ACAP2: variants seen among roughly 807,000 people sequenced by gnomAD.
The protein encoded by ACAP2 is ArfGAP with coiled-coil, ankyrin repeat and PH domains 2.
A neutral mutation model predicts 115.8 loss-of-function variants in ACAP2; 39 were observed. The ratio of observed to expected loss-of-function variants is 0.34; its 90% CI spans 0.26 to 0.44. The LOEUF (loss-of-function observed/expected upper bound fraction) is 0.44. Among genes scored for constraint, ACAP2 ranks in the 20% least tolerant of loss-of-function variants. The probability of loss-of-function intolerance (pLI) is 1.00; values close to 1 mark genes in which losing one functional copy is unlikely to be tolerated. For missense variants in ACAP2, 662 were observed against 927.6 expected (o/e 0.71, Z 3.72); for synonymous variants, 289 against 315.8 (o/e 0.92, Z 0.90).
At chr3:195,358,846 G>A (rs1732160678) in intron 4 of ACAP2, among the ~76,000 whole-genome samples, 1 of 152,002 alleles carries the variant, frequency 6.6e-6, no homozygotes, top group Non-Finnish European at 1.5e-5. Flanking sequence ...GTAAAAGAAG[G>A]TTATAGAATA....
At position 195,442,817 on chromosome 3, in the gene ACAP2, G is replaced by A. The variant is rs1716122144; in HGVS notation, c.31C>T (p.Leu11=). The A allele has an allele frequency of 2.0e-6, 3 of 1,531,006 alleles. No individual in the cohort carries two copies. Among genetic ancestry groups the A allele is most frequent in the African/African-American group, 2.9e-5 (2 of 69,670 alleles). The allele number at this position is 1,531,006 out of a possible 1,614,324, so 94.8% of individuals were successfully genotyped here. MKMTVDFEEC[L]KDSPRFRAAL... ...TACCTGAAGCGGGGCGAGTCCTTCA[G>A]ACACTCCTCGAAATCCACAGTCATC... The change falls in exon 1 of 23, where the codon CTG becomes TTG. Residue 11 remains leucine, a synonymous_variant. Transcript: ENST00000326793.
chr3:195,351,441 CGTGTGTGTGTGTGT>C (rs56049053), intron 4 of ACAP2, among the ~76,000 whole-genome samples: 27,537 of 129,978 alleles, frequency 0.21, 3,617 homozygotes, highest in East Asian at 0.67. Context: ...TTTTCTTTTT[CGTGTGTGTGTGTGT>C]GTGTGTGTGT....
intron 21 of ACAP2, 41 bp from the exon 22 acceptor site, chr3:195,285,898 A>T: frequency 2.1e-6 from 3 of 1,400,994 alleles, no homozygotes; most frequent in Non-Finnish European, 3.0e-6. Flanking sequence ...ACATTATATA[A>T]TATAAATGTC....
intron 15 of ACAP2, among the ~76,000 whole-genome samples, chr3:195,300,094 C>T (rs544973199): frequency 2.8e-4 from 41 of 148,688 alleles, no homozygotes; most frequent in Middle Eastern, 3.4e-3. Context: ...TTGCCCAGGC[C>T]GGAGTGCAGT....
At chr3:195,333,201 AAT>A in intron 7 of ACAP2, 78 bp from the exon 8 acceptor site, 1 of 636,060 alleles carries the variant, frequency 1.6e-6, no homozygotes, top group South Asian at 2.9e-5. Flanking sequence ...TATATATAAA[AAT>A]ATATAAAAGA....
chr3:195,384,386 A>G (rs965880004), intron 2 of ACAP2, among the ~76,000 whole-genome samples: 1 of 152,206 alleles, frequency 6.6e-6, no homozygotes, highest in Non-Finnish European at 1.5e-5. Flanking sequence ...TGAAATGGGG[A>G]GAGTCATTTG....
intron 18 of ACAP2, 86 bp downstream of exon 18, chr3:195,294,632 AT>A (rs369658840): frequency 0.018 from 4,041 of 219,390 alleles, 92 homozygotes; most frequent in African/African-American, 0.043. Flanking sequence ...TATATATATA[AT>A]TTTTTTTTTA....
rs547745740 is a variant in ACAP2 at position 195,429,592 on chromosome 3, T to C, written c.53+13203A>G. ...TCTTTAGGTGGTGGGGGAAGCATTCTGGGAAGATGGAAAATAGGCTGTATC... is the reference window on the plus strand; with the variant it reads ...TCTTTAGGTGGTGGGGGAAGCATTCCGGGAAGATGGAAAATAGGCTGTATC... On this transcript the variant is annotated intron_variant, in intron 1 of 22. Transcript: ENST00000326793. Among the ~76,000 whole-genome samples the C allele has an allele frequency of 6.6e-5, 10 of 152,284 alleles. No homozygotes were observed. The South Asian group carries it at 1.0e-3, about 16-fold the overall frequency.
intron 1 of ACAP2, among the ~76,000 whole-genome samples, chr3:195,425,025 T>TAAAAA (rs1714569564): frequency 4.5e-5 from 1 of 22,180 alleles, no homozygotes; most frequent in African/African-American, 1.8e-4. Flanking sequence ...AGACTCCGTC[T>TAAAAA]CAAAAAAAAA....
chr3:195,336,744 C>T, intron 7 of ACAP2, 188 bp downstream of exon 7: 3 of 598,784 alleles, frequency 5.0e-6, no homozygotes, highest in Non-Finnish European at 8.9e-6. Context: ...AGATGAGACA[C>T]ACAAACAACT....
intron 10 of ACAP2, among the ~76,000 whole-genome samples, chr3:195,320,007 C>T (rs999473896): frequency 1.3e-5 from 2 of 152,100 alleles, no homozygotes; most frequent in Admixed American, 6.6e-5. Flanking sequence ...CCATGCTGTT[C>T]TCATGATAGT....
In ACAP2 at chr3:195,288,725, G is replaced by A. The variant is rs554396278; in HGVS notation, c.2174+396C>T. 2.0e-5 allele frequency among the ~76,000 whole-genome samples: 3 copies of A among 152,230 alleles called. No individual in the cohort carries two copies. The South Asian group carries it at 6.2e-4, about 32-fold the overall frequency. ...ATACAAAAATTAGCAGGTTGTGGTG[G>A]ATCACGCCTGTAATCCCAGCGACTA... On this transcript the variant is annotated intron_variant, in intron 21 of 22. Transcript: ENST00000326793.
intron 4 of ACAP2, among the ~76,000 whole-genome samples, chr3:195,363,153 G>A (rs1251418478): frequency 6.6e-6 from 1 of 152,172 alleles, no homozygotes; most frequent in Non-Finnish European, 1.5e-5. Context: ...TAGGCCAACA[G>A]TGAAGAATCT....
chr3:195,370,359 GT>G (rs1733040550), intron 4 of ACAP2, among the ~76,000 whole-genome samples: 1 of 152,086 alleles, frequency 6.6e-6, no homozygotes, highest in Non-Finnish European at 1.5e-5. Flanking sequence ...TTCTTCCAGG[GT>G]TTTTACAGTT....
rs1560202388 is a variant in ACAP2 at position 195,288,686 on chromosome 3, C to T, written c.2174+435G>A. On this transcript the variant is annotated intron_variant, in intron 21 of 22. Transcript: ENST00000326793. ...CAGCCTGGCCAACATGGTGAAACCC[C>T]ATCTCTACTAAAAATACAAAAATTA... 2.0e-5 allele frequency among the ~76,000 whole-genome samples: 3 copies of T among 152,120 alleles called. 1 individual carries two copies. In the South Asian group the frequency reaches 6.2e-4, roughly 32 times the overall value.
chr3:195,396,793 GAAAAAAAAAAAAAA>G (rs62983860), intron 1 of ACAP2, among the ~76,000 whole-genome samples: 1 of 91,820 alleles, frequency 1.1e-5, no homozygotes, highest in Non-Finnish European at 1.9e-5. Context: ...TCTCAAAAAA[GAAAAAAAAAAAAAA>G]AAAAAAAGAA....
At chr3:195,295,166 C>T in intron 17 of ACAP2, 2 of 1,225,928 alleles carry the variant, frequency 1.6e-6, no homozygotes, top group Non-Finnish European at 2.1e-6. Flanking sequence ...CTGGCACAGA[C>T]TTGGAATGCT....
chr3:195,356,190 C>T (rs766548097), intron 4 of ACAP2: 9 of 456,530 alleles, frequency 2.0e-5, no homozygotes, highest in South Asian at 4.6e-5. Flanking sequence ...GCGCTGCACA[C>T]GGGGAAAGAG....
At chr3:195,351,050 G>GCAAGC in intron 4 of ACAP2, among the ~76,000 whole-genome samples, 1 of 151,032 alleles carries the variant, frequency 6.6e-6, no homozygotes, top group East Asian at 2.0e-4. Flanking sequence ...AATGAAAAAG[G>GCAAGC]CAAGCCAAAG....
Sources: allele counts gnomAD v4.1 joint callset (sites outside exome capture counted in the v4.1 genomes callset), GRCh38; gene constraint gnomAD v4.1.1; transcripts MANE v1.5; gene names NCBI Gene and HGNC (gene_info 2026-07-23, HGNC 2026-07-21).